The following EXO1 variants were observed in gnomAD, a reference collection of about 807,000 sequenced individuals.
The protein encoded by EXO1 is exonuclease 1.
In EXO1, 69 loss-of-function variants were observed where a neutral mutation model predicts 84.5. The ratio of observed to expected loss-of-function variants is 0.82; its 90% confidence interval spans 0.67 to 1.00. The LOEUF (loss-of-function observed/expected upper bound fraction) is 1.00, where lower values mean the gene tolerates loss of function less well. Among genes scored for constraint, EXO1 ranks in the 50% least tolerant of loss-of-function variants. EXO1 has a pLI of 0.00. For synonymous variants in EXO1, 373 were observed against 366.1 expected (o/e 1.02, Z -0.21); for missense variants, 1,045 against 1,000.7 (o/e 1.04, Z -0.60).
chr1:241,856,263 CTT>C (rs11301251), intron 6 of EXO1, among the ~76,000 whole-genome samples: 197 of 143,724 alleles, frequency 1.4e-3, no homozygotes, highest in Middle Eastern at 3.6e-3. Flanking sequence ...TTCTTTTTTT[CTT>C]TTTTTTTTTT....
upstream of EXO1, chr1:241,848,092 G>A (rs1660450789): frequency 6.6e-6 from 1 of 152,310 alleles, no homozygotes; most frequent in Admixed American, 6.5e-5. This position sits in a 1 kb window ranked among gnomAD's most constrained non-coding sequence, Gnocchi z 4.2. Flanking sequence ...GAGAGCTCAG[G>A]ACGCAACCCT....
At position 241,857,338 on chromosome 1, in the gene EXO1, C is replaced by A. The variant is rs1229177999; in HGVS notation, c.406-7C>A. ...TGCTAGAGATTCACTGTGATTCTCT[C>A]TTCTAGGCTGCCCGGTCTCAGGGGG... On this transcript the variant is annotated splice_region_variant and splice_polypyrimidine_tract_variant and intron_variant, in intron 6 of 15. Coordinates refer to ENST00000366548, the MANE Select transcript of EXO1 (RefSeq NM_130398.4). 1.2e-6 allele frequency: 2 copies of A among 1,612,522 alleles called. No individual in the cohort carries two copies. Among genetic ancestry groups the A allele is most frequent in the African/African-American group, 2.7e-5 (2 of 74,984 alleles).
intron 6 of EXO1, among the ~76,000 whole-genome samples, chr1:241,855,648 A>T (rs1394664793): frequency 1.3e-5 from 2 of 152,076 alleles, no homozygotes; most frequent in African/African-American, 2.4e-5. Flanking sequence ...CTCGTTGGGG[A>T]GGCTCGGGCG....
chr1:241,848,042 C>A (rs1776180), upstream of EXO1: 1 of 152,106 alleles, frequency 6.6e-6, no homozygotes, highest in Non-Finnish European at 1.5e-5. This position sits in a 1 kb window ranked among gnomAD's most constrained non-coding sequence, Gnocchi z 4.2. Flanking sequence ...GCAGCGGCTG[C>A]AGTCGTATGG....
chr1:241,865,743 G>A (rs999598706), intron 10 of EXO1, among the ~76,000 whole-genome samples: 2 of 152,086 alleles, frequency 1.3e-5, no homozygotes, highest in African/African-American at 4.8e-5. Flanking sequence ...AATTTATTTA[G>A]TCTGGTTTTC....
At chr1:241,868,742 A>G (rs954830256) in intron 11 of EXO1, among the ~76,000 whole-genome samples, 1 of 152,240 alleles carries the variant, frequency 6.6e-6, no homozygotes, top group African/African-American at 2.4e-5. Context: ...CATTTTAACA[A>G]TACTGAGTTT....
At position 241,871,333 on chromosome 1, in the gene EXO1, A is replaced by T. The variant is rs932626832; in HGVS notation, c.1268-699A>T. 6.6e-5 allele frequency among the ~76,000 whole-genome samples: 10 copies of T among 152,236 alleles called. No individual in the cohort carries two copies. The South Asian group carries it at 2.1e-3, about 32-fold the overall frequency. Reference sequence around the variant, plus strand: ...TTACCAACTTCACAAAGATTATAGTAGTGTGCACTTACACCTCTGTGGAGA... The same window carrying T: ...TTACCAACTTCACAAAGATTATAGTTGTGTGCACTTACACCTCTGTGGAGA... On this transcript the variant is annotated intron_variant, in intron 11 of 15. Coordinates refer to ENST00000366548, the MANE Select transcript of EXO1 (RefSeq NM_130398.4).
intron 8 of EXO1, among the ~76,000 whole-genome samples, chr1:241,859,258 TGA>T (rs34169442): frequency 0.5 from 76,455 of 151,866 alleles, 19,504 homozygotes; most frequent in East Asian, 0.71. Context: ...ACAAAAATTA[TGA>T]GAGAGAGGAA....
At chr1:241,889,135 A>G (rs1169611345) in intron 15 of EXO1, among the ~76,000 whole-genome samples, 2 of 152,188 alleles carry the variant, frequency 1.3e-5, no homozygotes, top group Admixed American at 6.5e-5. Context: ...CTTCACTTAT[A>G]TTAGTTCTTA....
At chr1:241,861,992 G>A (rs1661424037) in intron 10 of EXO1, among the ~76,000 whole-genome samples, 1 of 152,128 alleles carries the variant, frequency 6.6e-6, no homozygotes, top group Non-Finnish European at 1.5e-5. Flanking sequence ...AGGCTGGAGT[G>A]CAATGGTGCG....
Position 241,853,275 on chromosome 1 carries a change from GCTT to G in EXO1, c.282-79_282-77del. On this transcript the variant is annotated intron_variant, in intron 5 of 15. Coordinates refer to ENST00000366548, the MANE Select transcript of EXO1 (RefSeq NM_130398.4). Reference sequence around the variant, plus strand: ...AAAAACTTTTTTCAGTTCTAGGAAAGCTTCTTGAATTACAGTTCTGTTACAGTT... The same window carrying G: ...AAAAACTTTTTTCAGTTCTAGGAAAGCTTGAATTACAGTTCTGTTACAGTT... 1.8e-5 allele frequency: 27 copies of G among 1,492,394 alleles called. No homozygotes were observed. The South Asian group carries it at 2.0e-4, about 11-fold the overall frequency. 92.4% of individuals were successfully genotyped at this position (1,492,394 alleles called of 1,614,324 possible).
chr1:241,857,926 CTA>C (rs1325768994), intron 7 of EXO1, among the ~76,000 whole-genome samples: 1 of 152,134 alleles, frequency 6.6e-6, no homozygotes, highest in Non-Finnish European at 1.5e-5. Context: ...ATGTATAAAA[CTA>C]TTTCATGGAA....
chr1:241,855,931 CGCA>C (rs1223477697), intron 6 of EXO1, among the ~76,000 whole-genome samples: 1 of 152,166 alleles, frequency 6.6e-6, no homozygotes, highest in Non-Finnish European at 1.5e-5. Context: ...AAGCACCGCG[CGCA>C]GCCCCAGTTC....
Position 241,848,541 on chromosome 1 carries a change from C to G in EXO1, c.-420+188C>G, listed in dbSNP as rs908528932. ...GAGTATGTGTTTTGTTCCGAGGGGACGTCTGGCAACCAGAGGTCTGCAGTT... is the reference window on the plus strand; with the variant it reads ...GAGTATGTGTTTTGTTCCGAGGGGAGGTCTGGCAACCAGAGGTCTGCAGTT... On this transcript the variant is annotated intron_variant, in intron 1 of 15. Coordinates refer to ENST00000366548, the MANE Select transcript of EXO1 (RefSeq NM_130398.4). The surrounding 1 kb of genome is among the most constrained non-coding windows in gnomAD (Gnocchi z 4.2). Among the ~76,000 whole-genome samples, 3 of 152,044 alleles carry G rather than the reference C, an allele frequency of 2.0e-5. No individual in the cohort carries two copies. Among genetic ancestry groups the G allele is most frequent in the African/African-American group, 7.2e-5 (3 of 41,402 alleles).
chr1:241,870,448 A>G (rs1662023728), intron 11 of EXO1, among the ~76,000 whole-genome samples: 2 of 152,214 alleles, frequency 1.3e-5, no homozygotes, highest in Admixed American at 1.3e-4. Context: ...AGAATTGTCT[A>G]GTTGTTACAG....
chr1:241,889,624 G>C lies in EXO1; in HGVS notation c.*24G>C, dbSNP rs1304205758. On this transcript the variant is annotated 3_prime_UTR_variant, in exon 16 of 16. Transcript: ENST00000366548. ...AAATGCAGACTGCTGCAAAGCTTTT[G>C]CCTGCAAGAGAATCTGATCAATTTG... is the stretch of plus-strand genomic sequence containing the variant. The C allele has an allele frequency of 1.9e-6, 3 of 1,612,940 alleles. No homozygotes were observed. Among genetic ancestry groups the C allele is most frequent in the Non-Finnish European group, 2.5e-6 (3 of 1,179,098 alleles).
chr1:241,856,617 T>C (rs2488472), intron 6 of EXO1, among the ~76,000 whole-genome samples: 94,097 of 151,986 alleles, frequency 0.62, 29,663 homozygotes, highest in East Asian at 0.79. Flanking sequence ...TGTCAGTACA[T>C]TGACTTTCGT....
intron 12 of EXO1, among the ~76,000 whole-genome samples, chr1:241,875,100 T>C (rs902550866): frequency 1.3e-5 from 2 of 152,076 alleles, no homozygotes; most frequent in African/African-American, 4.8e-5. Flanking sequence ...GCCTCCCGGG[T>C]TCAAGTGATT....
intron 14 of EXO1, among the ~76,000 whole-genome samples, chr1:241,882,902 G>A (rs1010379017): frequency 6.6e-6 from 1 of 152,120 alleles, no homozygotes; most frequent in African/African-American, 2.4e-5. Context: ...AAATTTGAAA[G>A]AGTTCAAATA....
Sources: gnomAD v4.1 joint callset for allele counts (sites outside exome capture counted in the v4.1 genomes callset) on GRCh38, gnomAD v4.1.1 for gene constraint, Gnocchi (gnomAD v3.1) non-coding constraint, MANE v1.5 for transcripts, NCBI Gene and HGNC (gene_info 2026-07-23, HGNC 2026-07-21) for gene names.